PTPRM: variants seen among roughly 807,000 people sequenced by gnomAD.
The protein encoded by PTPRM is receptor-type tyrosine-protein phosphatase mu.
In PTPRM, 47 loss-of-function variants were observed where a neutral mutation model predicts 186.7. The ratio of observed to expected loss-of-function variants is 0.25; its 90% CI spans 0.20 to 0.32. PTPRM has a LOEUF of 0.32. Among genes scored for constraint, PTPRM ranks in the 10% least tolerant of loss-of-function variants. The pLI is 1.00. For missense variants in PTPRM, 1,494 were observed against 1,865.0 expected (o/e 0.80, Z 3.66); for synonymous variants, 668 against 674.9 (o/e 0.99, Z 0.16).
chr18:7,984,780 A>G, intron 7 of PTPRM, among the ~76,000 whole-genome samples: 2 of 137,690 alleles, frequency 1.5e-5, no homozygotes, highest in South Asian at 4.3e-4. Context: ...TACACATAAA[A>G]TTATATACAC....
intron 21 of PTPRM, 60 bp from the exon 22 acceptor site, chr18:8,319,118 G>A (rs1472903641): frequency 9.3e-6 from 11 of 1,181,666 alleles, no homozygotes; most frequent in Middle Eastern, 1.9e-4. Flanking sequence ...GTTAGCATGC[G>A]ACTTATCTGC....
chr18:7,598,053 G>A (rs1249967663), intron 1 of PTPRM, among the ~76,000 whole-genome samples: 1 of 152,180 alleles, frequency 6.6e-6, no homozygotes, highest in Non-Finnish European at 1.5e-5. Flanking sequence ...CTTGAAATTA[G>A]TGGGGTTTAG....
At chr18:7,848,761 T>C (rs2377578) in intron 2 of PTPRM, among the ~76,000 whole-genome samples, 82,401 of 152,034 alleles carry the variant, frequency 0.54, 22,639 homozygotes, top group East Asian at 0.74. Flanking sequence ...AAATACTGCC[T>C]TGAAAGACAA....
intron 14 of PTPRM, among the ~76,000 whole-genome samples, chr18:8,186,187 G>A (rs1208441167): frequency 3.9e-5 from 6 of 151,964 alleles, no homozygotes; most frequent in African/African-American, 1.2e-4. Context: ...CTAGCTGGGC[G>A]TGGTGGCGGG....
At chr18:8,062,955 G>A (rs2088688020) in intron 7 of PTPRM, among the ~76,000 whole-genome samples, 1 of 147,746 alleles carries the variant, frequency 6.8e-6, no homozygotes, top group Non-Finnish European at 1.5e-5. Context: ...ACAGAGGCAG[G>A]CAGGCCTCCT....
chr18:7,798,555 A>G (rs1170563518), intron 2 of PTPRM, among the ~76,000 whole-genome samples: 1 of 152,034 alleles, frequency 6.6e-6, no homozygotes, highest in African/African-American at 2.4e-5. Flanking sequence ...AAGATGGTAA[A>G]TTTTGTGTGT....
chr18:7,972,552 A>G (rs1461684523), intron 7 of PTPRM, among the ~76,000 whole-genome samples: 1 of 150,568 alleles, frequency 6.6e-6, no homozygotes, highest in Non-Finnish European at 1.5e-5. Flanking sequence ...GGCTTTTTAG[A>G]AATACATTAA....
At chr18:8,009,407 A>T (rs895963016) in intron 7 of PTPRM, among the ~76,000 whole-genome samples, 1 of 152,142 alleles carries the variant, frequency 6.6e-6, no homozygotes, top group African/African-American at 2.4e-5. Context: ...CAACTAGCTA[A>T]GAAACTAAAT....
chr18:7,646,748 C>T (rs916193092), intron 1 of PTPRM, among the ~76,000 whole-genome samples: 5 of 152,140 alleles, frequency 3.3e-5, no homozygotes, highest in Non-Finnish European at 5.9e-5. Flanking sequence ...GTGCTCAGAG[C>T]GCTTTGTTAG....
intron 26 of PTPRM, 49 bp downstream of exon 26, chr18:8,376,646 C>T: frequency 1.3e-6 from 2 of 1,565,154 alleles, no homozygotes; most frequent in Admixed American, 1.8e-5. Flanking sequence ...TGGGCTCCCT[C>T]CTGCATCTCC....
chr18:7,837,862 C>T (rs7235300), intron 2 of PTPRM, among the ~76,000 whole-genome samples: 91,431 of 152,044 alleles, frequency 0.6, 27,910 homozygotes, highest in East Asian at 0.87. Context: ...TGTAGACGCT[C>T]ATCTGTATCC....
At chr18:8,235,931 C>T (rs2094340887) in intron 14 of PTPRM, among the ~76,000 whole-genome samples, 1 of 152,148 alleles carries the variant, frequency 6.6e-6, no homozygotes, top group South Asian at 2.1e-4. Context: ...TGTAGTCTAA[C>T]AGCAGACACC....
At chr18:7,734,865 G>C (rs2040734738) in intron 1 of PTPRM, among the ~76,000 whole-genome samples, 1 of 152,130 alleles carries the variant, frequency 6.6e-6, no homozygotes, top group African/African-American at 2.4e-5. Flanking sequence ...GCTACAGCTT[G>C]AGCTCCTCTC....
rs1247955928 is a variant in PTPRM, at chr18:7,834,501, C to CACACACAT, written c.197-53598_197-53597insTACACACA. Among the ~76,000 whole-genome samples, 15 of 140,316 alleles carry CACACACAT rather than the reference C, an allele frequency of 1.1e-4. 1 individual carries two copies. In the East Asian group the frequency reaches 1.3e-3, roughly 12 times the overall value. The allele number at this position is 140,316 out of a possible 152,430, so 92.1% of individuals were successfully genotyped here. ...GCCAATATACAAGTATACACACACA[C>CACACACAT]ACACACACACACACACACACACACA... is the stretch of plus-strand genomic sequence containing the variant. On this transcript the variant is annotated intron_variant, in intron 2 of 32. Transcript: ENST00000580170.
intron 22 of PTPRM, among the ~76,000 whole-genome samples, chr18:8,320,026 C>T (rs2095336060): frequency 1.3e-5 from 2 of 152,168 alleles, no homozygotes; most frequent in South Asian, 2.1e-4. Context: ...AAGGATGAGT[C>T]AGTGAGTCAA....
chr18:8,197,218 T>C (rs956438590), intron 14 of PTPRM, among the ~76,000 whole-genome samples: 18 of 152,238 alleles, frequency 1.2e-4, no homozygotes, highest in African/African-American at 4.1e-4. Flanking sequence ...AGGTAAATTA[T>C]TTAAGGTTCT....
chr18:8,221,333 A>G (rs1344694026), intron 14 of PTPRM, among the ~76,000 whole-genome samples: 2 of 152,174 alleles, frequency 1.3e-5, no homozygotes, highest in African/African-American at 2.4e-5. Context: ...CAGGGCTGTC[A>G]TTGTCACCCT....
intron 1 of PTPRM, among the ~76,000 whole-genome samples, chr18:7,666,186 T>C (rs536984686): frequency 1.3e-5 from 2 of 152,220 alleles, no homozygotes; most frequent in Non-Finnish European, 2.9e-5. Context: ...TCCGTGAAGA[T>C]TTTCCCCTTT....
intron 1 of PTPRM, among the ~76,000 whole-genome samples, chr18:7,574,925 C>A (rs746384691): frequency 6.6e-6 from 1 of 151,960 alleles, no homozygotes; most frequent in African/African-American, 2.4e-5. Flanking sequence ...CCAGCTACTC[C>A]GGAAGCTGAG....
Sources: gnomAD v4.1 joint callset for allele counts (sites outside exome capture counted in the v4.1 genomes callset) on GRCh38, gnomAD v4.1.1 for gene constraint, MANE v1.5 for transcripts, NCBI Gene and HGNC (gene_info 2026-07-23, HGNC 2026-07-21) for gene names.